Variants in FAM117B observed in about 807,000 individuals in gnomAD.
FAM117B encodes the protein protein FAM117B.
Under a neutral mutation model 52.8 loss-of-function variants are expected in FAM117B, and 22 were observed. The ratio of observed to expected loss-of-function variants is 0.42; its 90% confidence interval spans 0.30 to 0.59. FAM117B has a LOEUF of 0.59. Among genes scored for constraint, FAM117B ranks in the 20% least tolerant of loss-of-function variants. FAM117B has a pLI of 0.22. For missense variants in FAM117B, 678 were observed against 802.6 expected (o/e 0.84, Z 1.88); for synonymous variants, 309 against 324.1 (o/e 0.95, Z 0.50).
rs1209893590 is a variant in FAM117B, at chr2:202,635,770, G to A, written c.583G>A (p.Ala195Thr). 4 of 1,453,452 alleles carry A rather than the reference G, an allele frequency of 2.8e-6. No individual in the cohort carries two copies. Among genetic ancestry groups the A allele is most frequent in the African/African-American group, 2.9e-5 (2 of 67,802 alleles). The allele number at this position is 1,453,452 out of a possible 1,614,324, so 90.0% of individuals were successfully genotyped here. A position where few individuals can be genotyped will look rare whatever the true frequency, so the allele number is the denominator to read the frequency against. ...RSSPEKRSPS[A>T]PVCKAGDKTR... Reference sequence around the variant, plus strand: ...CTCGCCGGAGAAGAGGAGCCCCAGCGCCCCGGTTTGCAAAGCAGGTAAGTG... The same window carrying A: ...CTCGCCGGAGAAGAGGAGCCCCAGCACCCCGGTTTGCAAAGCAGGTAAGTG... The change falls in exon 1 of 8, where the codon GCC becomes ACC. Residue 195 changes from alanine to threonine, a missense_variant. Physicochemically the swap from Ala to Thr is moderately conservative, Grantham distance 58 (BLOSUM62 0). Transcript: ENST00000392238.
At chr2:202,712,006 A>G (rs531671205) in intron 2 of FAM117B, among the ~76,000 whole-genome samples, 37 of 152,290 alleles carry the variant, frequency 2.4e-4, no homozygotes, top group Non-Finnish European at 3.2e-4. Context: ...CTTTTTGCTC[A>G]GGATAACTTG....
At chr2:202,657,258 T>C (rs1690068355) in intron 1 of FAM117B, among the ~76,000 whole-genome samples, 1 of 152,070 alleles carries the variant, frequency 6.6e-6, no homozygotes, top group African/African-American at 2.4e-5. Context: ...CAGCTAGTTT[T>C]TGTAGTATTA....
intron 4 of FAM117B, among the ~76,000 whole-genome samples, chr2:202,736,179 G>A (rs1691435129): frequency 6.6e-6 from 1 of 152,214 alleles, no homozygotes; most frequent in Admixed American, 6.5e-5. Flanking sequence ...TGGGATGTCA[G>A]TCCAAAACAG....
intron 4 of FAM117B, among the ~76,000 whole-genome samples, chr2:202,751,523 C>CT (rs1312635300): frequency 6.6e-6 from 1 of 152,060 alleles, no homozygotes; most frequent in Non-Finnish European, 1.5e-5. Context: ...AATCCCAGCA[C>CT]TTTGGGAGGT....
intron 1 of FAM117B, among the ~76,000 whole-genome samples, chr2:202,686,768 A>G (rs1170955678): frequency 6.6e-6 from 1 of 151,848 alleles, no homozygotes; most frequent in Non-Finnish European, 1.5e-5. Flanking sequence ...GATTGCCATC[A>G]CTGAACTCCA....
intron 7 of FAM117B, among the ~76,000 whole-genome samples, chr2:202,762,606 A>G (rs745902291): frequency 4.6e-5 from 7 of 152,088 alleles, no homozygotes; most frequent in East Asian, 1.9e-4. Context: ...TTTTCTTTCT[A>G]TGTATGGTTT....
intron 1 of FAM117B, among the ~76,000 whole-genome samples, chr2:202,639,561 A>G (rs1368361265): frequency 1.3e-5 from 2 of 152,180 alleles, no homozygotes; most frequent in African/African-American, 2.4e-5. Context: ...AAAATGTCAA[A>G]TAGATTACAA....
chr2:202,679,710 G>A lies in FAM117B; in HGVS notation c.602-16171G>A, dbSNP rs527814153. Among the ~76,000 whole-genome samples the A allele has an allele frequency of 1.7e-4, 26 of 152,232 alleles. No homozygotes were observed. The South Asian group carries it at 5.4e-3, about 32-fold the overall frequency. On this transcript the variant is annotated intron_variant, in intron 1 of 7. Transcript: ENST00000392238. ...ACAAAACCTTAAAACAAACTTTAAG[G>A]ATCAAGTTGATGAACAGGTTACTTA...
intron 4 of FAM117B, among the ~76,000 whole-genome samples, chr2:202,753,829 A>T (rs1435496549): frequency 1.3e-5 from 2 of 152,186 alleles, no homozygotes; most frequent in Non-Finnish European, 1.5e-5. Context: ...ATGTGATACC[A>T]TCTCACGCCA....
chr2:202,691,366 C>T (rs1690619213), intron 1 of FAM117B, among the ~76,000 whole-genome samples: 1 of 152,128 alleles, frequency 6.6e-6, no homozygotes, highest in African/African-American at 2.4e-5. Context: ...TTGCGGTGAG[C>T]TGAGATCATG....
chr2:202,757,181 A>G, intron 5 of FAM117B, 32 bp from the exon 6 acceptor site: 6 of 1,597,428 alleles, frequency 3.8e-6, no homozygotes, highest in Non-Finnish European at 5.1e-6. Context: ...ATTAATTATA[A>G]ATATACCTAT....
At chr2:202,698,304 C>G (rs1690744641) in intron 2 of FAM117B, among the ~76,000 whole-genome samples, 1 of 152,202 alleles carries the variant, frequency 6.6e-6, no homozygotes, top group African/African-American at 2.4e-5. Flanking sequence ...CGGAATCCTA[C>G]TGTTAGGGCA....
chr2:202,661,104 A>G lies in FAM117B; in HGVS notation c.601+25316A>G, dbSNP rs572015348. 2.6e-5 allele frequency among the ~76,000 whole-genome samples: 4 copies of G among 152,334 alleles called. No individual in the cohort carries two copies. In the South Asian group the frequency reaches 8.3e-4, roughly 32 times the overall value. On this transcript the variant is annotated intron_variant, in intron 1 of 7. Transcript: ENST00000392238. ...AATCCAGGACATATGGGAGGGGGAA[A>G]AACTCAGTGAATCACTTCCCTATCA...
chr2:202,674,205 A>C (rs975472401), intron 1 of FAM117B, among the ~76,000 whole-genome samples: 1 of 152,198 alleles, frequency 6.6e-6, no homozygotes, highest in Non-Finnish European at 1.5e-5. Flanking sequence ...AAAATTGTCT[A>C]TCAAGTCTCA....
intron 2 of FAM117B, among the ~76,000 whole-genome samples, chr2:202,722,639 T>C (rs1691173891): frequency 6.6e-6 from 1 of 151,624 alleles, no homozygotes; most frequent in African/African-American, 2.4e-5. Context: ...CATGGACACA[T>C]AGAGGGGAAG....
At chr2:202,693,386 G>A (rs1315658032) in intron 1 of FAM117B, among the ~76,000 whole-genome samples, 1 of 152,094 alleles carries the variant, frequency 6.6e-6, no homozygotes, top group Non-Finnish European at 1.5e-5. Flanking sequence ...AGGCGGGCGA[G>A]TCACTTGAGA....
intron 1 of FAM117B, among the ~76,000 whole-genome samples, chr2:202,672,647 C>G (rs760956012): frequency 6.6e-6 from 1 of 152,122 alleles, no homozygotes; most frequent in South Asian, 2.1e-4. Context: ...CTGACAAATG[C>G]GGTGGAATTT....
At chr2:202,743,499 A>C (rs1353301301) in intron 4 of FAM117B, among the ~76,000 whole-genome samples, 1 of 152,240 alleles carries the variant, frequency 6.6e-6, no homozygotes, top group Admixed American at 6.5e-5. Context: ...GCAAGGAACC[A>C]TGGCATCTCC....
chr2:202,730,436 G>A (rs757568501), intron 4 of FAM117B, among the ~76,000 whole-genome samples: 19 of 152,248 alleles, frequency 1.2e-4, no homozygotes, highest in Admixed American at 2.6e-4. Context: ...TTGGGAGGCC[G>A]AGGCGGGTGG....
Sources: gnomAD v4.1 joint callset for allele counts (sites outside exome capture counted in the v4.1 genomes callset) on GRCh38, gnomAD v4.1.1 for gene constraint, MANE v1.5 for transcripts, NCBI Gene and HGNC (gene_info 2026-07-23, HGNC 2026-07-21) for gene names.